GALNT13: variants seen among roughly 807,000 people sequenced by gnomAD.
GALNT13 encodes polypeptide N-acetylgalactosaminyltransferase 13.
Under a neutral mutation model 64.2 loss-of-function variants are expected in GALNT13, and 28 were observed. That is an observed-to-expected ratio of 0.44 (90% CI 0.32 to 0.60). GALNT13 has a LOEUF of 0.60. Among genes scored for constraint, GALNT13 ranks in the 20% least tolerant of loss-of-function variants. The probability of loss-of-function intolerance (pLI) is 0.05; values close to 1 mark genes in which losing one functional copy is unlikely to be tolerated. For synonymous variants in GALNT13, 214 were observed against 224.6 expected (o/e 0.95, Z 0.42); for missense variants, 577 against 669.8 (o/e 0.86, Z 1.53).
chr2:153,986,610 G>T (rs1694816878), intron 3 of GALNT13, among the ~76,000 whole-genome samples: 1 of 151,830 alleles, frequency 6.6e-6, no homozygotes, highest in African/African-American at 2.4e-5. Context: ...TTTAGCCCAA[G>T]TTTATCCCGA....
chr2:154,397,420 C>T (rs779992841), intron 10 of GALNT13, among the ~76,000 whole-genome samples: 6 of 152,122 alleles, frequency 3.9e-5, no homozygotes, highest in Non-Finnish European at 8.8e-5. Flanking sequence ...GCCTGGGCGA[C>T]AGAGTGAGAC....
chr2:154,291,047 T>G (rs1206222010), intron 8 of GALNT13, among the ~76,000 whole-genome samples: 3 of 151,860 alleles, frequency 2.0e-5, no homozygotes, highest in Non-Finnish European at 2.9e-5. Context: ...AGCAGCAAGA[T>G]CTATCGTGAA....
chr2:153,648,559 T>G, the GALNT13 span, among the ~76,000 whole-genome samples: 1 of 152,192 alleles, frequency 6.6e-6, no homozygotes, highest in South Asian at 2.1e-4. Context: ...TCAAAGGGAA[T>G]GCTTCCAGTT....
At chr2:153,139,359 T>C in the GALNT13 span, among the ~76,000 whole-genome samples, 3 of 152,018 alleles carry the variant, frequency 2.0e-5, no homozygotes, top group Non-Finnish European at 4.4e-5. Context: ...AAATGTCCTT[T>C]TTTGAATGTT....
chr2:153,892,340 T>G (rs924069103), intron 1 of GALNT13, among the ~76,000 whole-genome samples: 1 of 152,088 alleles, frequency 6.6e-6, no homozygotes, highest in Non-Finnish European at 1.5e-5. Flanking sequence ...TGTATCTTTT[T>G]CTGGAATATA....
At chr2:154,157,791 T>C (rs1684508705) in intron 4 of GALNT13, among the ~76,000 whole-genome samples, 1 of 152,208 alleles carries the variant, frequency 6.6e-6, no homozygotes, top group African/African-American at 2.4e-5. Context: ...TATGGTGCTA[T>C]ATTTAACAGT....
intron 4 of GALNT13, among the ~76,000 whole-genome samples, chr2:154,173,034 A>G (rs1332343883): frequency 6.6e-6 from 1 of 152,038 alleles, no homozygotes; most frequent in Admixed American, 6.6e-5. Flanking sequence ...GCAAAAAAGA[A>G]CATGAGTAAA....
At chr2:153,581,723 TA>T in the GALNT13 span, among the ~76,000 whole-genome samples, 1 of 152,108 alleles carries the variant, frequency 6.6e-6, no homozygotes, top group Non-Finnish European at 1.5e-5. Flanking sequence ...ACTTATTCAG[TA>T]AAGATTTATT....
chr2:153,434,439 C>T, the GALNT13 span, among the ~76,000 whole-genome samples: 1 of 152,194 alleles, frequency 6.6e-6, no homozygotes, highest in Non-Finnish European at 1.5e-5. Context: ...AGTTTACAGT[C>T]CCACCAACCA....
the GALNT13 span, among the ~76,000 whole-genome samples, chr2:153,265,643 T>C: frequency 1.3e-5 from 2 of 152,240 alleles, no homozygotes; most frequent in African/African-American, 4.8e-5. Context: ...TTGTGATCTC[T>C]AATCTGATTT....
intron 2 of GALNT13, among the ~76,000 whole-genome samples, chr2:153,940,443 G>C (rs1478802610): frequency 6.6e-6 from 1 of 151,652 alleles, no homozygotes; most frequent in Non-Finnish European, 1.5e-5. Flanking sequence ...TTTTAATAGA[G>C]ACCGGGTTTT....
chr2:153,774,240 GA>G, the GALNT13 span, among the ~76,000 whole-genome samples: 1 of 151,814 alleles, frequency 6.6e-6, no homozygotes, highest in Non-Finnish European at 1.5e-5. Context: ...ATATTATCTT[GA>G]AAAACTCAAG....
the GALNT13 span, among the ~76,000 whole-genome samples, chr2:153,596,440 T>C: frequency 6.6e-6 from 1 of 152,128 alleles, no homozygotes; most frequent in Non-Finnish European, 1.5e-5. Context: ...CTATTACTCT[T>C]AGTAATAAGC....
rs573244940 is a variant in GALNT13 at position 154,184,486 on chromosome 2, C to T, written c.311+43981C>T. ...ATTTTTTTCCTATCTTGCTGTCTTC[C>T]TTTGTGATTTTTTTCTTTTCATAGT... On this transcript the variant is annotated intron_variant, in intron 4 of 12. Transcript: ENST00000392825. Among the ~76,000 whole-genome samples the T allele has an allele frequency of 2.6e-5, 4 of 151,566 alleles. No homozygotes were observed. In the East Asian group the frequency reaches 7.8e-4, roughly 29 times the overall value.
the GALNT13 span, among the ~76,000 whole-genome samples, chr2:153,128,203 CT>C: frequency 6.6e-6 from 1 of 152,076 alleles, no homozygotes. Context: ...TTTCATGCTA[CT>C]GATAAAGACA....
chr2:153,909,348 G>A (rs1257958720), intron 2 of GALNT13, among the ~76,000 whole-genome samples: 1 of 151,982 alleles, frequency 6.6e-6, no homozygotes, highest in Admixed American at 6.6e-5. Flanking sequence ...GAGATTGTGG[G>A]GTTTTCTAGA....
chr2:153,878,063 T>G (rs1300050975), intron 1 of GALNT13, among the ~76,000 whole-genome samples: 1 of 152,204 alleles, frequency 6.6e-6, no homozygotes, highest in Non-Finnish European at 1.5e-5. Flanking sequence ...ACATTTTCAC[T>G]GACTGATAAT....
the GALNT13 span, among the ~76,000 whole-genome samples, chr2:153,390,237 C>T: frequency 1.3e-5 from 2 of 152,028 alleles, no homozygotes; most frequent in African/African-American, 4.8e-5. Flanking sequence ...CACATGTTCT[C>T]ACTCATAAGT....
At chr2:153,893,675 A>G (rs935169954) in intron 1 of GALNT13, among the ~76,000 whole-genome samples, 3 of 152,094 alleles carry the variant, frequency 2.0e-5, no homozygotes, top group Non-Finnish European at 4.4e-5. Context: ...ATTTTGGAAT[A>G]TAAATAAATA....
Sources: allele counts gnomAD v4.1 joint callset (sites outside exome capture counted in the v4.1 genomes callset), GRCh38; gene constraint gnomAD v4.1.1; transcripts MANE v1.5; gene names NCBI Gene and HGNC (gene_info 2026-07-23, HGNC 2026-07-21).